Variants in NAALADL2 observed in about 807,000 individuals in gnomAD.
NAALADL2 encodes the protein N-acetylated alpha-linked acidic dipeptidase like 2, also known as inactive N-acetylated-alpha-linked acidic dipeptidase-like protein 2.
In NAALADL2, 76 loss-of-function variants were observed where a neutral mutation model predicts 87.2. That is an observed-to-expected ratio of 0.87 (90% CI 0.72 to 1.05). The LOEUF (loss-of-function observed/expected upper bound fraction) is 1.05. Among genes scored for constraint, NAALADL2 ranks in the 50% least tolerant of loss-of-function variants. The probability of loss-of-function intolerance (pLI) is 0.00; values close to 1 mark genes in which losing one functional copy is unlikely to be tolerated. For synonymous variants in NAALADL2, 354 were observed against 331.0 expected (o/e 1.07, Z -0.75); for missense variants, 1,089 against 945.8 (o/e 1.15, Z -1.99).
chr3:175,253,194 G>T (rs1749356803), intron 3 of NAALADL2, among the ~76,000 whole-genome samples: 1 of 152,184 alleles, frequency 6.6e-6, no homozygotes, highest in Admixed American at 6.6e-5. Context: ...AGCTCCAAAG[G>T]TAAGGCTGAC....
chr3:174,493,632 C>T lies in NAALADL2; in HGVS notation c.-184+52600C>T, dbSNP rs142080456. 4.8e-4 allele frequency among the ~76,000 whole-genome samples: 73 copies of T among 152,072 alleles called. 1 individual carries two copies. The East Asian group carries it at 9.9e-3, about 21-fold the overall frequency. On this transcript the variant is annotated intron_variant, in intron 1 of 3. Transcript: ENST00000434257. ...TAAATGGATCTAGAGTAGTTAGGAA[C>T]AAATATATTCTGAAAGGCCTAGAAA...
At position 175,073,427 on chromosome 3, in the gene NAALADL2, A is replaced by G. The variant is rs115945500; in HGVS notation, c.44-23363A>G. The stretch of plus-strand genomic sequence containing the variant: ...CTCTTCTAAATCATCATCGTAAGTT[A>G]TATAGAAAGTAGTCATGTAGACAGT... On this transcript the variant is annotated intron_variant, in intron 1 of 13. Transcript: ENST00000454872. Among the ~76,000 whole-genome samples the G allele has an allele frequency of 5.5e-3, 837 of 152,172 alleles. 8 individuals carry two copies. Among genetic ancestry groups the G allele is most frequent in the African/African-American group, 0.019 (772 of 41,536 alleles).
chr3:174,671,816 T>C lies in NAALADL2; in HGVS notation c.-114-65825T>C, dbSNP rs184378673. ...AAACTTGAAGCTCAGTGTCCACATA[T>C]GTGAAAATGAAGATTTCAGCATTTC... On this transcript the variant is annotated intron_variant, in intron 2 of 3. Coordinates refer to the NAALADL2 transcript ENST00000434257. Among the ~76,000 whole-genome samples the C allele has an allele frequency of 2.0e-5, 3 of 152,184 alleles. No individual in the cohort carries two copies. The East Asian group carries it at 5.8e-4, about 29-fold the overall frequency.
intron 2 of NAALADL2, among the ~76,000 whole-genome samples, chr3:175,191,021 G>A (rs950344430): frequency 7.7e-4 from 116 of 151,194 alleles, no homozygotes; most frequent in African/African-American, 2.6e-3. Context: ...TAACCAATAC[G>A]TAGAATGAAC....
At position 175,785,753 on chromosome 3, in the gene NAALADL2, T is replaced by A. The variant is rs1382125167; in HGVS notation, c.2190-17252T>A. ...TGAATTTGATCCTGTCATTATGATGTTAGCTGGTGATTTTGCTCGTTAGTT... is the reference window on the plus strand; with the variant it reads ...TGAATTTGATCCTGTCATTATGATGATAGCTGGTGATTTTGCTCGTTAGTT... On this transcript the variant is annotated intron_variant, in intron 13 of 13. Coordinates refer to ENST00000454872, the MANE Select transcript of NAALADL2 (RefSeq NM_207015.3). Among the ~76,000 whole-genome samples the A allele has an allele frequency of 3.4e-3, 513 of 148,724 alleles. 4 individuals are homozygous for A. The highest frequency in any genetic ancestry group is 0.012 in the African/African-American group (486 of 38,956).
intron 9 of NAALADL2, among the ~76,000 whole-genome samples, chr3:175,575,247 A>C (rs1202827937): frequency 6.6e-6 from 1 of 152,010 alleles, no homozygotes; most frequent in African/African-American, 2.4e-5. Flanking sequence ...GAAATGAAGA[A>C]AGTTTCTTCT....
In NAALADL2 at chr3:175,573,751, G is replaced by A. The variant is rs141360997; in HGVS notation, c.1654-2290G>A. Among the ~76,000 whole-genome samples, 281 of 152,318 alleles carry A rather than the reference G, an allele frequency of 1.8e-3. 2 individuals carry two copies. The highest frequency in any genetic ancestry group is 0.017 in the Middle Eastern group (5 of 294). On this transcript the variant is annotated intron_variant, in intron 9 of 13. Transcript: ENST00000454872. ...CCCAGGAGTCTTAAGCCAGAGGAAT[G>A]TGTCAGAAAGTGAAAAAGGATTACC...
intron 2 of NAALADL2, among the ~76,000 whole-genome samples, chr3:174,567,056 T>C (rs1228755878): frequency 1.3e-5 from 2 of 151,632 alleles, no homozygotes; most frequent in African/African-American, 4.8e-5. Flanking sequence ...CATAATGTCT[T>C]AGGTTCTCAT....
intron 5 of NAALADL2, among the ~76,000 whole-genome samples, chr3:175,386,163 T>C (rs1398808761): frequency 1.3e-5 from 2 of 152,100 alleles, no homozygotes; most frequent in Non-Finnish European, 2.9e-5. Context: ...TGCTTGATTG[T>C]TGGTTTGATA....
At chr3:175,282,534 C>T (rs775363977) in intron 4 of NAALADL2, among the ~76,000 whole-genome samples, 1 of 151,956 alleles carries the variant, frequency 6.6e-6, no homozygotes, top group Non-Finnish European at 1.5e-5. Context: ...AGTAAACTAA[C>T]TTTGAAAAAA....
At chr3:174,680,057 C>T (rs1338974320) in intron 2 of NAALADL2, among the ~76,000 whole-genome samples, 1 of 151,418 alleles carries the variant, frequency 6.6e-6, no homozygotes, top group Non-Finnish European at 1.5e-5. Context: ...TTATTTTTGA[C>T]ACACACTAGA....
chr3:175,524,163 G>A (rs141607422), intron 9 of NAALADL2, among the ~76,000 whole-genome samples: 19 of 152,274 alleles, frequency 1.2e-4, no homozygotes, highest in African/African-American at 4.6e-4. Flanking sequence ...GATCAACTGT[G>A]ATATGTCTTC....
intron 12 of NAALADL2, among the ~76,000 whole-genome samples, chr3:175,753,582 A>C (rs1412140296): frequency 6.6e-6 from 1 of 152,194 alleles, no homozygotes; most frequent in Non-Finnish European, 1.5e-5. Context: ...TCAGCTATAC[A>C]TCTAACCTAG....
intron 2 of NAALADL2, among the ~76,000 whole-genome samples, chr3:175,097,968 A>G (rs1001964986): frequency 2.6e-5 from 4 of 152,098 alleles, no homozygotes; most frequent in Non-Finnish European, 5.9e-5. Flanking sequence ...TCTGGGTTAC[A>G]TTGATTTGTT....
chr3:175,214,644 A>G (rs1469495328), intron 2 of NAALADL2, among the ~76,000 whole-genome samples: 2 of 152,180 alleles, frequency 1.3e-5, no homozygotes, highest in African/African-American at 4.8e-5. Context: ...GACAAGAAAC[A>G]TATTATTGTG....
At chr3:174,524,843 A>G (rs573411134) in intron 1 of NAALADL2, among the ~76,000 whole-genome samples, 1 of 152,276 alleles carries the variant, frequency 6.6e-6, no homozygotes, top group South Asian at 2.1e-4. Context: ...CGCGGCCTAT[A>G]AGATTATAAT....
chr3:174,872,972 C>CA (rs1431763118), intron 1 of NAALADL2, among the ~76,000 whole-genome samples: 2 of 152,130 alleles, frequency 1.3e-5, no homozygotes, highest in African/African-American at 4.8e-5. Flanking sequence ...TGCAAATGGA[C>CA]ATCCCCAACC....
At chr3:175,685,091 A>G (rs1332711083) in intron 11 of NAALADL2, among the ~76,000 whole-genome samples, 1 of 152,172 alleles carries the variant, frequency 6.6e-6, no homozygotes, top group African/African-American at 2.4e-5. Flanking sequence ...TCCCATATCA[A>G]GAGTTCAAGG....
chr3:174,614,611 T>C (rs1204304207), intron 2 of NAALADL2, among the ~76,000 whole-genome samples: 1 of 152,196 alleles, frequency 6.6e-6, no homozygotes, highest in East Asian at 1.9e-4. Context: ...CTGTTTGTCC[T>C]ACCTCCTAAG....
Sources: allele counts gnomAD v4.1 joint callset (sites outside exome capture counted in the v4.1 genomes callset), GRCh38; gene constraint gnomAD v4.1.1; transcripts MANE v1.5; gene names NCBI Gene and HGNC (gene_info 2026-07-23, HGNC 2026-07-21).